The following DAG1 variants were observed in gnomAD, a reference collection of about 807,000 sequenced individuals.
DAG1 encodes dystroglycan 1 (dystrophin-associated glycoprotein 1).
A neutral mutation model predicts 46.1 loss-of-function variants in DAG1; 8 were observed. The observed-to-expected ratio is 0.17, with a 90% confidence interval of 0.10 to 0.31. The LOEUF is 0.31. Among genes scored for constraint, DAG1 ranks in the 10% least tolerant of loss-of-function variants. The pLI is 1.00. For missense variants in DAG1, 1,003 were observed against 1,189.9 expected, an observed-to-expected ratio of 0.84 and a Z score of 2.31; for synonymous variants, 495 against 481.8, an observed-to-expected ratio of 1.03 and a Z score of -0.36.
chr3:49,472,533 C>T (rs897147218), intron 1 of DAG1, among the ~76,000 whole-genome samples: 5 of 152,124 alleles, frequency 3.3e-5, no homozygotes, highest in African/African-American at 1.2e-4. Flanking sequence ...TATCGCCGGG[C>T]ATGGTGGCTC....
At chr3:49,477,740 T>C (rs1032143142) in intron 1 of DAG1, among the ~76,000 whole-genome samples, 1 of 151,872 alleles carries the variant, frequency 6.6e-6, no homozygotes, top group African/African-American at 2.4e-5. Flanking sequence ...TGTGCACAGA[T>C]CAACTGAGGT....
At chr3:49,476,028 T>A (rs961539972) in intron 1 of DAG1, among the ~76,000 whole-genome samples, 1 of 152,092 alleles carries the variant, frequency 6.6e-6, no homozygotes, top group Non-Finnish European at 1.5e-5. Flanking sequence ...GCTAAGCATT[T>A]TCTTAGTTTT....
chr3:49,470,762 C>T (rs1242990412), intron 1 of DAG1, among the ~76,000 whole-genome samples: 1 of 152,194 alleles, frequency 6.6e-6, no homozygotes, highest in Non-Finnish European at 1.5e-5. Context: ...TGCGGGCCGC[C>T]TCCCTGGCTT....
Position 49,532,800 on chromosome 3 carries a change from C to A in DAG1, c.2289C>A (p.Ile763=). Residue 763 remains isoleucine, a synonymous_variant, in exon 3 of 3, where the codon ATC becomes ATA. Transcript: ENST00000308775. This position sits in a 1 kb window ranked among gnomAD's most constrained non-coding sequence, Gnocchi z 5.4. ...TVIPAVVVAA[I]LLIAGIIAMI... Reference sequence around the variant, plus strand: ...TTCCGGCCGTGGTGGTCGCAGCCATCCTGCTCATTGCTGGCATCATTGCCA... The same window carrying A: ...TTCCGGCCGTGGTGGTCGCAGCCATACTGCTCATTGCTGGCATCATTGCCA... 1 of 1,613,998 alleles carries A rather than the reference C, an allele frequency of 6.2e-7. No individual in the cohort carries two copies. The highest frequency in any genetic ancestry group is 8.5e-7 in the Non-Finnish European group (1 of 1,180,016).
rs371854349 is a variant in DAG1, at chr3:49,475,134, C to T, written c.-117+4701C>T. Among the ~76,000 whole-genome samples, 20 of 145,294 alleles carry T rather than the reference C, an allele frequency of 1.4e-4. No individual in the cohort carries two copies. The East Asian group carries it at 2.7e-3, about 20-fold the overall frequency. ...GTTTTTTTTTTTTAAGATGGAGTTT[C>T]GCTTTTGTTACCCAGATTCGAGTGC... On this transcript the variant is annotated intron_variant, in intron 1 of 2. Transcript: ENST00000308775.
At chr3:49,475,853 G>A (rs768881761) in intron 1 of DAG1, among the ~76,000 whole-genome samples, 3 of 151,788 alleles carry the variant, frequency 2.0e-5, no homozygotes, top group Admixed American at 6.6e-5. Context: ...ACAGGTGCCC[G>A]CCACCACACC....
intron 1 of DAG1, among the ~76,000 whole-genome samples, chr3:49,509,153 C>T (rs2050693475): frequency 6.6e-6 from 1 of 152,098 alleles, no homozygotes; most frequent in Non-Finnish European, 1.5e-5. Flanking sequence ...TCAAGAGATA[C>T]ACATTGTCTG....
At chr3:49,497,312 C>T (rs2050339956) in intron 1 of DAG1, among the ~76,000 whole-genome samples, 1 of 151,826 alleles carries the variant, frequency 6.6e-6, no homozygotes, top group Admixed American at 6.6e-5. Flanking sequence ...TAGTGGGCAC[C>T]TATAATCCCA....
At chr3:49,476,951 A>G (rs2049697539) in intron 1 of DAG1, 1 of 152,206 alleles carries the variant, frequency 6.6e-6, no homozygotes, top group African/African-American at 2.4e-5. Flanking sequence ...AAGTTGAGGA[A>G]TAATCACATA....
At chr3:49,478,285 A>G (rs1236813300) in intron 1 of DAG1, among the ~76,000 whole-genome samples, 1 of 149,976 alleles carries the variant, frequency 6.7e-6, no homozygotes, top group Admixed American at 6.7e-5. Flanking sequence ...AAAAAAAAAA[A>G]AAAAGAAAAA....
chr3:49,528,437 A>G (rs1226617720), intron 2 of DAG1, among the ~76,000 whole-genome samples: 1 of 151,610 alleles, frequency 6.6e-6, no homozygotes, highest in African/African-American at 2.4e-5. Flanking sequence ...GGTGTGCACC[A>G]CCATGCCTGG....
At chr3:49,516,584 A>G (rs2050903558) in intron 2 of DAG1, among the ~76,000 whole-genome samples, 1 of 152,252 alleles carries the variant, frequency 6.6e-6, no homozygotes, top group African/African-American at 2.4e-5. Flanking sequence ...GTTTCCTAAT[A>G]TTCAATAGTT....
At chr3:49,482,613 A>C (rs569235699) in intron 1 of DAG1, among the ~76,000 whole-genome samples, 1 of 152,202 alleles carries the variant, frequency 6.6e-6, no homozygotes. Context: ...ACCTTCCCTT[A>C]AACTTAATTA....
chr3:49,490,700 G>T (rs1171061230), intron 1 of DAG1, among the ~76,000 whole-genome samples: 1 of 151,486 alleles, frequency 6.6e-6, no homozygotes, highest in East Asian at 1.9e-4. Context: ...CTCCCGAGTA[G>T]CTGAGACTGC....
intron 1 of DAG1, among the ~76,000 whole-genome samples, chr3:49,495,316 G>A (rs1030337989): frequency 1.3e-5 from 2 of 152,152 alleles, no homozygotes; most frequent in Admixed American, 6.6e-5. Flanking sequence ...GTTACCACTT[G>A]TGTTTCCTGA....
chr3:49,493,758 A>G (rs1406338830), intron 1 of DAG1, among the ~76,000 whole-genome samples: 3 of 152,144 alleles, frequency 2.0e-5, no homozygotes, highest in African/African-American at 7.2e-5. Flanking sequence ...CCTTGCGTTC[A>G]CCAGGTCACT....
At chr3:49,477,856 G>C (rs1375667029) in intron 1 of DAG1, among the ~76,000 whole-genome samples, 2 of 152,070 alleles carry the variant, frequency 1.3e-5, no homozygotes, top group East Asian at 3.9e-4. Flanking sequence ...CAGCTACTTG[G>C]GAGGCTGAGA....
chr3:49,532,315 G>A lies in DAG1; in HGVS notation c.1804G>A (p.Asp602Asn), dbSNP rs1447621250. Residue 602 changes from aspartate (D) to asparagine (N), a missense_variant, in exon 3 of 3, where the codon GAT becomes AAT. Asp to Asn is a conservative substitution (Grantham distance 23). This residue lies in a region of DAG1 where 755 missense variants were observed against 854.1 expected (regional missense o/e 0.88). Coordinates refer to ENST00000308775, the MANE Select transcript of DAG1 (RefSeq NM_004393.6). This position sits in a 1 kb window ranked among gnomAD's most constrained non-coding sequence, Gnocchi z 5.4. The part of the protein sequence containing the change: ...EIHVHRRPQG[D>N]RAPARFKAKF... The stretch of plus-strand genomic sequence containing the variant: ...CCACGTCCACAGGCGCCCCCAAGGG[G>A]ATAGGGCTCCTGCAAGGTTCAAGGC... 18 of 1,614,186 alleles carry A rather than the reference G, an allele frequency of 1.1e-5. No homozygotes were observed. The highest frequency in any genetic ancestry group is 1.5e-5 in the Non-Finnish European group (18 of 1,180,044).
rs2051416053 is a variant in DAG1 at position 49,533,150 on chromosome 3, C to A, written c.2639C>A (p.Pro880His). 6.2e-7 allele frequency: 1 copy of A among 1,614,152 alleles called. No individual in the cohort carries two copies. The highest frequency in any genetic ancestry group is 8.5e-7 in the Non-Finnish European group (1 of 1,180,044). The change falls in exon 3 of 3, where the codon CCC (proline) becomes CAC (histidine). Residue 880 changes from proline (P) to histidine (H), a missense_variant. Coordinates refer to ENST00000308775, the MANE Select transcript of DAG1 (RefSeq NM_004393.6). ...TAPMEGKGSR[P>H]KNMTPYRSPP... ...CCCATGGAGGGCAAGGGCTCCCGTCCCAAGAACATGACCCCATACCGGTCA... is the reference window on the plus strand; with the variant it reads ...CCCATGGAGGGCAAGGGCTCCCGTCACAAGAACATGACCCCATACCGGTCA...
Sources: gnomAD v4.1 joint callset for allele counts (sites outside exome capture counted in the v4.1 genomes callset) on GRCh38, gnomAD v4.1.1 for gene constraint, gnomAD v4.1.1 regional missense constraint, Gnocchi (gnomAD v3.1) non-coding constraint, MANE v1.5 for transcripts, NCBI Gene and HGNC (gene_info 2026-07-23, HGNC 2026-07-21) for gene names.